Variants in SLC22A23 observed in about 807,000 individuals in gnomAD.
SLC22A23 encodes the protein solute carrier family 22 member 23, also known as ion transporter protein.
Under a neutral mutation model 61.0 loss-of-function variants are expected in SLC22A23, and 26 were observed. The ratio of observed to expected loss-of-function variants is 0.43; its 90% CI spans 0.31 to 0.59. The LOEUF (loss-of-function observed/expected upper bound fraction) is 0.59. SLC22A23 is among the 20% of genes least tolerant of loss of function. SLC22A23 has a pLI of 0.11. For synonymous variants in SLC22A23, 430 were observed against 413.9 expected, an observed-to-expected ratio of 1.04 and a Z score of -0.47; for missense variants, 796 against 934.7, an observed-to-expected ratio of 0.85 and a Z score of 1.94.
At position 3,323,822 on chromosome 6, in the gene SLC22A23, G is replaced by T; in HGVS notation, c.1082+12C>A. 1 of 1,611,312 alleles carries T rather than the reference G, an allele frequency of 6.2e-7. No homozygotes were observed. The highest frequency in any genetic ancestry group is 8.5e-7 in the Non-Finnish European group (1 of 1,178,248). On this transcript the variant is annotated intron_variant, in intron 4 of 9. Coordinates refer to ENST00000406686, the MANE Select transcript of SLC22A23 (RefSeq NM_015482.2). The stretch of plus-strand genomic sequence containing the variant: ...TCGCACCAGCCCAGGGCGCTGTGCA[G>T]AGTGTACTCACGACCAGTAGAGCAG...
intron 3 of SLC22A23, among the ~76,000 whole-genome samples, chr6:3,336,593 G>A (rs1763871694): frequency 6.6e-6 from 1 of 152,216 alleles, no homozygotes; most frequent in South Asian, 2.1e-4. Context: ...CCACAGCAGC[G>A]AGCTCCTTGA....
At chr6:3,385,899 T>C (rs1171823596) in intron 3 of SLC22A23, among the ~76,000 whole-genome samples, 1 of 152,202 alleles carries the variant, frequency 6.6e-6, no homozygotes, top group Non-Finnish European at 1.5e-5. Flanking sequence ...CAAAGGGAAA[T>C]GTGGTCATCT....
rs147979475 is a variant in SLC22A23, at chr6:3,347,065, G to A, written c.914-23063C>T. On this transcript the variant is annotated intron_variant, in intron 3 of 9. Transcript: ENST00000406686. Reference sequence around the variant, plus strand: ...TCTTTCACAACGTTTTTTTTTAAATGGTTATCAGTTTGCTTTTGTTATTTT... The same window carrying A: ...TCTTTCACAACGTTTTTTTTTAAATAGTTATCAGTTTGCTTTTGTTATTTT... Among the ~76,000 whole-genome samples, 129 of 151,944 alleles carry A rather than the reference G, an allele frequency of 8.5e-4. 2 individuals are homozygous for A. The Middle Eastern group carries it at 0.02, about 24-fold the overall frequency.
Position 3,297,513 on chromosome 6 carries a change from T to C in SLC22A23, c.1210+578A>G, listed in dbSNP as rs1188386774. On this transcript the variant is annotated intron_variant, in intron 5 of 9. Coordinates refer to ENST00000406686, the MANE Select transcript of SLC22A23 (RefSeq NM_015482.2). This position sits in a 1 kb window ranked among gnomAD's most constrained non-coding sequence, Gnocchi z 4.3. ...CAGGTGCCAGGGAGAGGCCCAGGAA[T>C]CTGGATTTTAACAACCTCCTGGTGA... Among the ~76,000 whole-genome samples the C allele has an allele frequency of 6.6e-6, 1 of 152,184 alleles. No individual in the cohort carries two copies. The highest frequency in any genetic ancestry group is 1.9e-4 in the East Asian group (1 of 5,194).
chr6:3,367,499 C>CT (rs1344091827), intron 3 of SLC22A23, among the ~76,000 whole-genome samples: 1 of 152,188 alleles, frequency 6.6e-6, no homozygotes, highest in East Asian at 1.9e-4. Context: ...TATCTCATTC[C>CT]TTGGCAGCCT....
At position 3,317,877 on chromosome 6, in the gene SLC22A23, C is replaced by T. The variant is rs1420563006; in HGVS notation, c.1082+5957G>A. On this transcript the variant is annotated intron_variant, in intron 4 of 9. Transcript: ENST00000406686. This position sits in a 1 kb window ranked among gnomAD's most constrained non-coding sequence, Gnocchi z 4.4. ...CCACCAGCTGCCGCAGCTCTTCCTTCACCTAAAGCCCAGCCGATCCTGCCA... is the reference window on the plus strand; with the variant it reads ...CCACCAGCTGCCGCAGCTCTTCCTTTACCTAAAGCCCAGCCGATCCTGCCA... Among the ~76,000 whole-genome samples, 1 of 152,172 alleles carries T rather than the reference C, an allele frequency of 6.6e-6. No homozygotes were observed. Among genetic ancestry groups the T allele is most frequent in the Non-Finnish European group, 1.5e-5 (1 of 68,022 alleles).
intron 3 of SLC22A23, among the ~76,000 whole-genome samples, chr6:3,347,016 A>G (rs1764479180): frequency 3.3e-5 from 5 of 152,194 alleles, no homozygotes; most frequent in Admixed American, 3.3e-4. Flanking sequence ...CCCAGTGTTC[A>G]TATTTTAGTA....
intron 1 of SLC22A23, among the ~76,000 whole-genome samples, chr6:3,429,630 T>C (rs1271285571): frequency 1.3e-5 from 2 of 152,236 alleles, no homozygotes; most frequent in Admixed American, 6.5e-5. Flanking sequence ...CTATTCACAG[T>C]AGCCAAGGGC....
At chr6:3,394,635 C>T (rs929014573) in intron 3 of SLC22A23, among the ~76,000 whole-genome samples, 3 of 152,134 alleles carry the variant, frequency 2.0e-5, no homozygotes, top group African/African-American at 7.2e-5. Flanking sequence ...AGAGTGATCC[C>T]CCCCAAACAC....
intron 3 of SLC22A23, among the ~76,000 whole-genome samples, chr6:3,354,515 G>A (rs1053623102): frequency 2.0e-5 from 3 of 152,210 alleles, no homozygotes; most frequent in Non-Finnish European, 4.4e-5. Context: ...GAGACTCTGT[G>A]CCTCAAAGGC....
chr6:3,415,734 G>A lies in SLC22A23; in HGVS notation c.758+18C>T, dbSNP rs144249374. 1.6e-4 allele frequency: 248 copies of A among 1,519,594 alleles called. 1 individual carries two copies. In the African/African-American group the frequency reaches 2.6e-3, roughly 16 times the overall value. 94.1% of individuals were successfully genotyped at this position (1,519,594 alleles called of 1,614,324 possible). On this transcript the variant is annotated intron_variant, in intron 2 of 9. Coordinates refer to ENST00000406686, the MANE Select transcript of SLC22A23 (RefSeq NM_015482.2). ...TGTGGCCTCCAAAGGTTCGTGCGGC[G>A]GGCATGTTGGTACTCACCAGTCAGC...
chr6:3,404,574 G>A (rs9503580), intron 3 of SLC22A23, among the ~76,000 whole-genome samples: 28,693 of 152,088 alleles, frequency 0.19, 4,754 homozygotes, highest in African/African-American at 0.45. Flanking sequence ...AGTCTTCAGT[G>A]GCATGTTGTG....
rs2127319489 is a variant in SLC22A23, at chr6:3,286,365, G to A, written c.1546+494C>T. 6.6e-6 allele frequency among the ~76,000 whole-genome samples: 1 copy of A among 152,328 alleles called. No individual in the cohort carries two copies. Among genetic ancestry groups the A allele is most frequent in the African/African-American group, 2.4e-5 (1 of 41,566 alleles). ...TCCGACCGCCTCAGCCTCCCAAAGT[G>A]CTGGGATTACAGGCGTGAGCCACCG... On this transcript the variant is annotated intron_variant, in intron 7 of 9. Transcript: ENST00000406686. The surrounding 1 kb of genome is among the most constrained non-coding windows in gnomAD (Gnocchi z 4.2).
At position 3,311,493 on chromosome 6, in the gene SLC22A23, A is replaced by C. The variant is rs577300098; in HGVS notation, c.1082+12341T>G. Among the ~76,000 whole-genome samples the C allele has an allele frequency of 2.5e-4, 38 of 152,322 alleles. No individual in the cohort carries two copies. In the South Asian group the frequency reaches 7.9e-3, roughly 32 times the overall value. ...GCTCAAAACTTTTGCACAAAATATA[A>C]GCTTGGATTCTGTACATAATCTTCC... is the stretch of plus-strand genomic sequence containing the variant. On this transcript the variant is annotated intron_variant, in intron 4 of 9. Transcript: ENST00000406686.
chr6:3,280,913 G>C (rs760098205), intron 9 of SLC22A23, among the ~76,000 whole-genome samples: 63 of 152,110 alleles, frequency 4.1e-4, no homozygotes, highest in Non-Finnish European at 7.9e-4. Context: ...CAGATGTCAG[G>C]GAGTCGTCAG....
intron 9 of SLC22A23, chr6:3,282,424 A>G: frequency 1.5e-6 from 1 of 653,736 alleles, no homozygotes; most frequent in South Asian, 1.7e-5. Context: ...CCTGTAGGAT[A>G]CGATCCAAGA....
intron 1 of SLC22A23, among the ~76,000 whole-genome samples, chr6:3,425,745 C>T (rs1023379497): frequency 1.4e-4 from 21 of 152,144 alleles, no homozygotes; most frequent in African/African-American, 4.8e-4. Flanking sequence ...ATTGCATGGA[C>T]ATTATTACCA....
At chr6:3,310,664 CTACGAGG>C (rs71669795) in intron 4 of SLC22A23, among the ~76,000 whole-genome samples, 35,701 of 151,784 alleles carry the variant, frequency 0.24, 4,956 homozygotes, top group East Asian at 0.34. Flanking sequence ...CTGTGAAACC[CTACGAGG>C]TTGATCATTT....
rs1759973925 is a variant in SLC22A23 at position 3,286,099 on chromosome 6, GAT to G, written c.1546+758_1546+759del. 1.3e-5 allele frequency among the ~76,000 whole-genome samples: 1 copy of G among 78,564 alleles called. No individual in the cohort carries two copies. Among genetic ancestry groups the G allele is most frequent in the African/African-American group, 4.2e-5 (1 of 23,832 alleles). The allele number at this position is 78,564 out of a possible 152,430, so 51.5% of individuals were successfully genotyped here. On this transcript the variant is annotated intron_variant, in intron 7 of 9. Coordinates refer to ENST00000406686, the MANE Select transcript of SLC22A23 (RefSeq NM_015482.2). The surrounding 1 kb of genome is among the most constrained non-coding windows in gnomAD (Gnocchi z 4.2). ...AGATGGACTCTCTAGCTTTGCCTTA[GAT>G]TTTTTTTTTTTTTTTGAGATGGAGT...
Sources: allele counts gnomAD v4.1 joint callset (sites outside exome capture counted in the v4.1 genomes callset), GRCh38; gene constraint gnomAD v4.1.1; non-coding constraint Gnocchi (gnomAD v3.1); transcripts MANE v1.5; gene names NCBI Gene and HGNC (gene_info 2026-07-23, HGNC 2026-07-21).